The following ATG7 variants were observed in gnomAD, a reference collection of about 807,000 sequenced individuals.
ATG7 encodes ubiquitin-like modifier-activating enzyme ATG7.
ATG7 carries 70 observed loss-of-function variants against 82.4 expected under a neutral mutation model. The ratio of observed to expected loss-of-function variants is 0.85; its 90% CI spans 0.70 to 1.04. ATG7 has a LOEUF of 1.04. Ranked by LOEUF, ATG7 falls within the 50% of genes least tolerant of loss-of-function variation. The probability of loss-of-function intolerance (pLI) is 0.00; values close to 1 mark genes in which losing one functional copy is unlikely to be tolerated. For missense variants in ATG7, 792 were observed against 864.3 expected, an observed-to-expected ratio of 0.92 and a Z score of 1.05; for synonymous variants, 287 against 313.0, an observed-to-expected ratio of 0.92 and a Z score of 0.88.
intron 18 of ATG7, among the ~76,000 whole-genome samples, chr3:11,378,420 C>T (rs904547773): frequency 1.3e-5 from 2 of 151,148 alleles, no homozygotes; most frequent in African/African-American, 2.4e-5. Context: ...CGGTGGCTCA[C>T]GCCCGTAACC....
chr3:11,286,728 G>T (rs1944124159), intron 3 of ATG7, among the ~76,000 whole-genome samples: 1 of 150,564 alleles, frequency 6.6e-6, no homozygotes. Context: ...CTCCCAAGTA[G>T]CTGGGAACAC....
At chr3:11,275,069 A>T (rs996829467) in intron 1 of ATG7, among the ~76,000 whole-genome samples, 5 of 151,988 alleles carry the variant, frequency 3.3e-5, no homozygotes, top group African/African-American at 2.4e-5. Context: ...GACAGTGGAG[A>T]TGGAGAGGAG....
intron 11 of ATG7, among the ~76,000 whole-genome samples, chr3:11,338,097 T>A (rs1275725810): frequency 6.6e-6 from 1 of 152,162 alleles, no homozygotes; most frequent in Non-Finnish European, 1.5e-5. Flanking sequence ...TTTCTGATCC[T>A]CTCCCTCCTC....
chr3:11,490,491 T>C (rs1254949221), intron 20 of ATG7, among the ~76,000 whole-genome samples: 2 of 152,204 alleles, frequency 1.3e-5, no homozygotes, highest in East Asian at 1.9e-4. Context: ...AATATTGTTA[T>C]GTGTGAATTT....
chr3:11,366,266 C>T (rs1030716298), intron 18 of ATG7, among the ~76,000 whole-genome samples: 5 of 151,718 alleles, frequency 3.3e-5, no homozygotes, highest in African/African-American at 1.2e-4. Flanking sequence ...ACTTAGCCTC[C>T]CAGAGTCTCA....
At chr3:11,406,957 T>A (rs2152906554) in intron 19 of ATG7, among the ~76,000 whole-genome samples, 1 of 152,276 alleles carries the variant, frequency 6.6e-6, no homozygotes, top group Admixed American at 6.5e-5. Context: ...TCAAATTTCG[T>A]ATCTTCACAT....
chr3:11,346,883 C>T (rs997160981), intron 13 of ATG7, among the ~76,000 whole-genome samples: 2 of 152,212 alleles, frequency 1.3e-5, no homozygotes, highest in South Asian at 2.1e-4. Flanking sequence ...TCTGGCCTGT[C>T]GTTCTCGACA....
At chr3:11,517,465 TAAAAG>T (rs138191276) in intron 20 of ATG7, among the ~76,000 whole-genome samples, 1,895 of 151,798 alleles carry the variant, frequency 0.012, 41 homozygotes, top group African/African-American at 0.043. Context: ...GGCAGTGAAT[TAAAAG>T]AAAAAAAACT....
At position 11,538,893 on chromosome 3, in the gene ATG7, A is replaced by G. The variant is rs573643803; in HGVS notation, c.2080-15918A>G. ...TTGTCTCAAAAAAAAAGAAAAAGAA[A>G]AAGCCCTTAGTAATTCTTGAGAATG... On this transcript the variant is annotated intron_variant, in intron 20 of 20. Transcript: ENST00000693202. 6.3e-4 allele frequency among the ~76,000 whole-genome samples: 96 copies of G among 151,906 alleles called. 1 individual carries two copies. The highest frequency in any genetic ancestry group is 2.3e-3 in the African/African-American group (94 of 41,458).
intron 3 of ATG7, among the ~76,000 whole-genome samples, chr3:11,286,547 G>GTT (rs749385598): frequency 2.5e-4 from 23 of 92,148 alleles, no homozygotes; most frequent in African/African-American, 4.2e-4. Flanking sequence ...TTTGTTTTGT[G>GTT]TTTTTTTTTT....
intron 18 of ATG7, among the ~76,000 whole-genome samples, chr3:11,376,102 T>G (rs906519842): frequency 8.5e-5 from 13 of 152,214 alleles, no homozygotes; most frequent in African/African-American, 3.1e-4. Flanking sequence ...AAGCCAGTCA[T>G]GTGTGATTTC....
At position 11,479,042 on chromosome 3, in the gene ATG7, T is replaced by A. The variant is rs1175408034; in HGVS notation, c.2079+52116T>A. On this transcript the variant is annotated intron_variant, in intron 20 of 20. Transcript: ENST00000693202. Reference sequence around the variant, plus strand: ...CACACACACACACACACACACACAATTTTTTACTTTGTGGATACTGGCCAC... The same window carrying A: ...CACACACACACACACACACACACAAATTTTTACTTTGTGGATACTGGCCAC... 9.2e-5 allele frequency among the ~76,000 whole-genome samples: 8 copies of A among 87,198 alleles called. No individual in the cohort carries two copies. The Middle Eastern group carries it at 0.03, about 332-fold the overall frequency. The allele number at this position is 87,198 out of a possible 152,430, so 57.2% of individuals were successfully genotyped here.
chr3:11,498,539 A>C (rs2091045864), intron 20 of ATG7, among the ~76,000 whole-genome samples: 1 of 152,058 alleles, frequency 6.6e-6, no homozygotes, highest in South Asian at 2.1e-4. Flanking sequence ...TCTTCCAAAA[A>C]CATTGGTTTT....
At chr3:11,412,359 C>G (rs939971470) in intron 19 of ATG7, among the ~76,000 whole-genome samples, 5 of 150,850 alleles carry the variant, frequency 3.3e-5, no homozygotes, top group African/African-American at 1.2e-4. Context: ...GCAGAAGGGT[C>G]AATTTCCATG....
At position 11,553,630 on chromosome 3, in the gene ATG7, C is replaced by T. The variant is rs78002645; in HGVS notation, c.2080-1181C>T. Among the ~76,000 whole-genome samples the T allele has an allele frequency of 2.4e-3, 362 of 152,316 alleles. 9 individuals are homozygous for T. The East Asian group carries it at 0.064, about 27-fold the overall frequency. On this transcript the variant is annotated intron_variant, in intron 20 of 20. Transcript: ENST00000693202. ...ATAGGGACACCTGGTCACTGGACCGCAGACCGGCCCATCCACAGCCTGGCT... is the reference window on the plus strand; with the variant it reads ...ATAGGGACACCTGGTCACTGGACCGTAGACCGGCCCATCCACAGCCTGGCT...
chr3:11,558,131 C>T (rs914190150), downstream of ATG7: 1 of 225,246 alleles, frequency 4.4e-6, no homozygotes, highest in African/African-American at 2.2e-5. Context: ...ATGGACCGAA[C>T]CAAACACGCC....
In ATG7 at chr3:11,556,214, C is replaced by T. The variant is rs2072390410; in HGVS notation, c.*1371C>T. Reference sequence around the variant, plus strand: ...AGATTTACACACATGAAGAGAAGGTCAGAGCGCACTGCAGGCAGCGCGGCT... The same window carrying T: ...AGATTTACACACATGAAGAGAAGGTTAGAGCGCACTGCAGGCAGCGCGGCT... On this transcript the variant is annotated 3_prime_UTR_variant, in exon 21 of 21. Transcript: ENST00000693202. The T allele has an allele frequency of 6.6e-6, 1 of 152,520 alleles. No homozygotes were observed. The highest frequency in any genetic ancestry group is 6.5e-5 in the Admixed American group (1 of 15,272). The allele number at this position is 152,520 out of a possible 1,614,324, so 9.4% of individuals were successfully genotyped here. A position where few individuals can be genotyped will look rare whatever the true frequency, so the allele number is the denominator to read the frequency against.
At chr3:11,568,993 A>G in the ATG7 span, 1 of 1,088,788 alleles carries the variant, frequency 9.2e-7, no homozygotes. The surrounding 1 kb of genome is among the most constrained non-coding windows in gnomAD (Gnocchi z 5.9). Flanking sequence ...CTACAACACC[A>G]TCATCCAGGA....
intron 14 of ATG7, among the ~76,000 whole-genome samples, chr3:11,350,923 C>CAAAAAAA (rs10709080): frequency 1.9e-4 from 11 of 57,618 alleles, no homozygotes; most frequent in African/African-American, 3.6e-4. Flanking sequence ...GACCCTAGCC[C>CAAAAAAA]AAAAAAAAAA....
Sources: allele counts gnomAD v4.1 joint callset (sites outside exome capture counted in the v4.1 genomes callset), GRCh38; gene constraint gnomAD v4.1.1; non-coding constraint Gnocchi (gnomAD v3.1); transcripts MANE v1.5; gene names NCBI Gene and HGNC (gene_info 2026-07-23, HGNC 2026-07-21).